The following TNFRSF19 variants were observed in gnomAD, a reference collection of about 807,000 sequenced individuals.
TNFRSF19 encodes the protein TNF receptor superfamily member 19, also known as tumor necrosis factor receptor superfamily member 19.
TNFRSF19 carries 27 observed loss-of-function variants against 46.4 expected under a neutral mutation model. That is an observed-to-expected ratio of 0.58 (90% CI 0.43 to 0.80). The LOEUF is 0.80. Ranked by LOEUF, TNFRSF19 falls within the 30% of genes least tolerant of loss-of-function variation. The pLI, the probability that TNFRSF19 is intolerant of heterozygous loss-of-function variation, is 0.00. For missense variants in TNFRSF19, 511 were observed against 530.8 expected (o/e 0.96, Z 0.37); for synonymous variants, 204 against 205.0 (o/e 1.00, Z 0.04).
intron 5 of TNFRSF19, among the ~76,000 whole-genome samples, chr13:23,627,702 A>C (rs899086595): frequency 6.6e-6 from 1 of 152,120 alleles, no homozygotes; most frequent in African/African-American, 2.4e-5. Context: ...TCTGGGGAGC[A>C]TTGTTTTGAT....
intron 9 of TNFRSF19, among the ~76,000 whole-genome samples, chr13:23,670,981 C>T (rs1397062981): frequency 1.3e-5 from 2 of 152,192 alleles, no homozygotes; most frequent in Admixed American, 1.3e-4. Context: ...TTTGTGATGT[C>T]AATTGCCAAG....
At chr13:23,612,977 C>T (rs910044677) in intron 3 of TNFRSF19, among the ~76,000 whole-genome samples, 3 of 152,116 alleles carry the variant, frequency 2.0e-5, no homozygotes, top group African/African-American at 4.8e-5. Context: ...TCTTATAGCA[C>T]GGTGCAGCAG....
intron 3 of TNFRSF19, among the ~76,000 whole-genome samples, chr13:23,599,292 A>G (rs1042131783): frequency 6.6e-6 from 1 of 152,242 alleles, no homozygotes; most frequent in Non-Finnish European, 1.5e-5. Context: ...AAATGCCATC[A>G]TGCCCAAGAG....
intron 5 of TNFRSF19, among the ~76,000 whole-genome samples, chr13:23,633,830 CAA>C (rs985956834): frequency 3.5e-4 from 54 of 152,164 alleles, no homozygotes; most frequent in African/African-American, 1.2e-3. Context: ...GCCTGGGTGA[CAA>C]GAGCGAAACT....
intron 5 of TNFRSF19, among the ~76,000 whole-genome samples, chr13:23,640,934 T>C (rs1227352330): frequency 6.6e-6 from 1 of 152,242 alleles, no homozygotes; most frequent in Non-Finnish European, 1.5e-5. Context: ...GTGATGTTAT[T>C]GTTTCTTAAT....
chr13:23,579,725 G>A (rs946086761), intron 1 of TNFRSF19, among the ~76,000 whole-genome samples: 3 of 152,214 alleles, frequency 2.0e-5, no homozygotes, highest in Non-Finnish European at 4.4e-5. Flanking sequence ...TCTCGGGGCC[G>A]TGACAGGCGG....
chr13:23,585,382 T>C (rs1878749528), intron 1 of TNFRSF19: 2 of 152,224 alleles, frequency 1.3e-5, no homozygotes, highest in Admixed American at 1.3e-4. Flanking sequence ...CCATCAAAAA[T>C]ATAAATGATT....
intron 5 of TNFRSF19, among the ~76,000 whole-genome samples, chr13:23,649,987 G>A (rs1278545991): frequency 6.6e-6 from 1 of 152,116 alleles, no homozygotes; most frequent in Non-Finnish European, 1.5e-5. Flanking sequence ...CTGTCCTGGA[G>A]AAGGTTCCAT....
chr13:23,616,581 T>TTTG (rs10693930), intron 4 of TNFRSF19, among the ~76,000 whole-genome samples: 40,768 of 110,276 alleles, frequency 0.37, 6,072 homozygotes, highest in Middle Eastern at 0.52. Context: ...TGTTTGTTTG[T>TTTG]TTTGTTTTGT....
intron 5 of TNFRSF19, among the ~76,000 whole-genome samples, chr13:23,635,206 A>G (rs1342974696): frequency 6.6e-6 from 1 of 152,214 alleles, no homozygotes; most frequent in Non-Finnish European, 1.5e-5. Context: ...TAATTTATAA[A>G]TTAAGAAAAA....
chr13:23,630,507 C>T (rs553371043), intron 5 of TNFRSF19, among the ~76,000 whole-genome samples: 4 of 152,140 alleles, frequency 2.6e-5, no homozygotes, highest in Admixed American at 6.5e-5. Context: ...TCCCATAGCC[C>T]GTCTGTCTGG....
At chr13:23,635,181 AAG>A (rs2138318853) in intron 5 of TNFRSF19, among the ~76,000 whole-genome samples, 1 of 152,282 alleles carries the variant, frequency 6.6e-6, no homozygotes, top group Non-Finnish European at 1.5e-5. Context: ...GGACAGGATT[AAG>A]AGAGTTTTAA....
At chr13:23,651,893 T>TAAAAAAAAAAAA (rs34023907) in intron 5 of TNFRSF19, among the ~76,000 whole-genome samples, 1 of 9,966 alleles carries the variant, frequency 1.0e-4, no homozygotes, top group Non-Finnish European at 1.8e-4. Flanking sequence ...CATAACATGC[T>TAAAAAAAAAAAA]AAAAAAAAAA....
At chr13:23,636,759 A>T (rs1264171030) in intron 5 of TNFRSF19, among the ~76,000 whole-genome samples, 1 of 152,098 alleles carries the variant, frequency 6.6e-6, no homozygotes, top group Non-Finnish European at 1.5e-5. Context: ...AGATACATTT[A>T]ACTTCCCTCG....
chr13:23,599,908 A>G (rs891680667), intron 3 of TNFRSF19, among the ~76,000 whole-genome samples: 3 of 149,896 alleles, frequency 2.0e-5, no homozygotes, highest in African/African-American at 7.3e-5. Flanking sequence ...GGGTCCATTC[A>G]GATGGTGGGG....
chr13:23,631,493 C>T (rs531079714), intron 5 of TNFRSF19, among the ~76,000 whole-genome samples: 58 of 152,292 alleles, frequency 3.8e-4, no homozygotes, highest in African/African-American at 1.3e-3. Flanking sequence ...TCCTATTCCA[C>T]GTGACACTGC....
intron 4 of TNFRSF19, 76 bp downstream of exon 4, chr13:23,616,121 C>A: frequency 6.9e-7 from 1 of 1,446,750 alleles, no homozygotes; most frequent in Non-Finnish European, 9.3e-7. Flanking sequence ...TTGTTCCATT[C>A]TAAACTGGAA....
At chr13:23,620,378 G>A (rs907571397) in intron 4 of TNFRSF19, among the ~76,000 whole-genome samples, 3 of 152,152 alleles carry the variant, frequency 2.0e-5, no homozygotes, top group African/African-American at 4.8e-5. Context: ...TCCATAGGCC[G>A]AGGTCCCCCA....
At chr13:23,650,345 G>T (rs1335584205) in intron 5 of TNFRSF19, among the ~76,000 whole-genome samples, 3 of 152,202 alleles carry the variant, frequency 2.0e-5, no homozygotes, top group Non-Finnish European at 4.4e-5. Flanking sequence ...AAACCAAGAT[G>T]TCCATCATCT....
Sources: allele counts gnomAD v4.1 joint callset (sites outside exome capture counted in the v4.1 genomes callset), GRCh38; gene constraint gnomAD v4.1.1; transcripts MANE v1.5; gene names NCBI Gene and HGNC (gene_info 2026-07-23, HGNC 2026-07-21).